The following ERC1 variants were observed in gnomAD, a reference collection of about 807,000 sequenced individuals.
The protein encoded by ERC1 is RAB6 interacting protein 2.
Under a neutral mutation model 132.0 loss-of-function variants are expected in ERC1, and 56 were observed. The ratio of observed to expected loss-of-function variants is 0.42; its 90% CI spans 0.34 to 0.53. ERC1 has a LOEUF of 0.53. Among genes scored for constraint, ERC1 ranks in the 20% least tolerant of loss-of-function variants. The pLI, the probability that ERC1 is intolerant of heterozygous loss-of-function variation, is 0.03. For synonymous variants in ERC1, 478 were observed against 476.1 expected, an observed-to-expected ratio of 1.00 and a Z score of -0.05; for missense variants, 1,202 against 1,349.9, an observed-to-expected ratio of 0.89 and a Z score of 1.72.
rs751146798 is a variant in ERC1 at position 1,492,812 on chromosome 12, T to C, written c.*2582T>C. The C allele has an allele frequency of 7.8e-5, 18 of 231,300 alleles. No homozygotes were observed. Among genetic ancestry groups the C allele is most frequent in the Non-Finnish European group, 1.4e-4 (16 of 116,974 alleles). 14.3% of individuals were successfully genotyped at this position (231,300 alleles called of 1,614,324 possible). A position where few individuals can be genotyped will look rare whatever the true frequency, so the allele number is the denominator to read the frequency against. Reference sequence around the variant, plus strand: ...GTAGCTTTCAGAGTGTCTCATTGAGTCTAGATCATTGAACCAACACTTAAC... The same window carrying C: ...GTAGCTTTCAGAGTGTCTCATTGAGCCTAGATCATTGAACCAACACTTAAC... On this transcript the variant is annotated 3_prime_UTR_variant, in exon 19 of 19. Coordinates refer to ENST00000360905, the MANE Select transcript of ERC1 (RefSeq NM_178040.4).
intron 8 of ERC1, among the ~76,000 whole-genome samples, chr12:1,147,628 C>A (rs1221550950): frequency 1.3e-5 from 2 of 152,140 alleles, no homozygotes; most frequent in Non-Finnish European, 2.9e-5. Context: ...ATGCGTAAGC[C>A]TTTTGATTCC....
chr12:1,111,463 C>T (rs570058669), intron 5 of ERC1, among the ~76,000 whole-genome samples: 13 of 152,128 alleles, frequency 8.5e-5, no homozygotes, highest in African/African-American at 3.1e-4. Flanking sequence ...ACATCACTTC[C>T]CCTCCAGTTT....
chr12:1,079,618 C>T (rs1300354051), intron 2 of ERC1, among the ~76,000 whole-genome samples: 30 of 21,386 alleles, frequency 1.4e-3, no homozygotes, highest in African/African-American at 5.6e-3. Flanking sequence ...TGACAAAAGT[C>T]GATATACAGA....
intron 11 of ERC1, among the ~76,000 whole-genome samples, chr12:1,184,034 G>T (rs1954783017): frequency 6.6e-6 from 1 of 151,816 alleles, no homozygotes; most frequent in African/African-American, 2.4e-5. Flanking sequence ...TACTCAGGAG[G>T]CTGAGGCAGG....
At chr12:1,280,928 A>G (rs971755809) in intron 14 of ERC1, among the ~76,000 whole-genome samples, 29 of 152,310 alleles carry the variant, frequency 1.9e-4, no homozygotes, top group South Asian at 4.2e-4. Context: ...ACAACTGTCC[A>G]GGGTTGTGTT....
At chr12:1,197,999 C>A (rs1384525308) in intron 12 of ERC1, among the ~76,000 whole-genome samples, 1 of 151,848 alleles carries the variant, frequency 6.6e-6, no homozygotes, top group Non-Finnish European at 1.5e-5. Context: ...TATCACGGCT[C>A]ACTGCAGCCT....
intron 8 of ERC1, among the ~76,000 whole-genome samples, chr12:1,161,956 A>G (rs1004859063): frequency 4.6e-5 from 7 of 152,170 alleles, no homozygotes; most frequent in Non-Finnish European, 7.4e-5. Context: ...GCATTTATCT[A>G]GATATACTTA....
chr12:1,072,665 T>G (rs1398086911), intron 2 of ERC1, among the ~76,000 whole-genome samples: 3 of 152,162 alleles, frequency 2.0e-5, no homozygotes, highest in Non-Finnish European at 4.4e-5. Context: ...TGTTTTTATT[T>G]CCAAGTCCTT....
intron 12 of ERC1, among the ~76,000 whole-genome samples, chr12:1,208,048 C>T (rs1199853887): frequency 6.6e-6 from 1 of 152,136 alleles, no homozygotes; most frequent in Non-Finnish European, 1.5e-5. Flanking sequence ...AATGCTATCA[C>T]CTTCTTTATC....
At chr12:1,276,782 T>G (rs981840886) in intron 14 of ERC1, among the ~76,000 whole-genome samples, 30 of 152,216 alleles carry the variant, frequency 2.0e-4, no homozygotes, top group Admixed American at 1.4e-3. Flanking sequence ...TATGAGCGAA[T>G]AAATGAAATT....
chr12:1,011,115 G>C (rs1964613660), intron 1 of ERC1, among the ~76,000 whole-genome samples: 1 of 152,164 alleles, frequency 6.6e-6, no homozygotes, highest in Non-Finnish European at 1.5e-5. Flanking sequence ...AAATGACTTT[G>C]AGACTAGGTA....
intron 3 of ERC1, among the ~76,000 whole-genome samples, chr12:1,097,806 C>T (rs997588465): frequency 6.6e-6 from 1 of 151,940 alleles, no homozygotes; most frequent in Admixed American, 6.5e-5. Flanking sequence ...CCTCTGCCCC[C>T]CAGGTTCAAG....
rs75000256 is a variant in ERC1, at chr12:1,101,599, C to A, written c.1087-3151C>A. Among the ~76,000 whole-genome samples, 574 of 152,302 alleles carry A rather than the reference C, an allele frequency of 3.8e-3. 2 individuals carry two copies. Among genetic ancestry groups the A allele is most frequent in the South Asian group, 7.0e-3 (34 of 4,828 alleles). The stretch of plus-strand genomic sequence containing the variant: ...AGGTCATGTACCTGGGCTTTAATCA[C>A]AAGAAAGGCTGGGCAACAAGTATGT... On this transcript the variant is annotated intron_variant, in intron 3 of 18. Transcript: ENST00000360905.
intron 15 of ERC1, among the ~76,000 whole-genome samples, chr12:1,353,997 G>T (rs1213334141): frequency 2.4e-4 from 36 of 149,228 alleles, no homozygotes; most frequent in Non-Finnish European, 1.8e-4. Context: ...TTTCCTCTAA[G>T]ACCATTCCCC....
At chr12:1,393,948 G>A (rs540131907) in intron 16 of ERC1, among the ~76,000 whole-genome samples, 97 of 145,874 alleles carry the variant, frequency 6.6e-4, no homozygotes, top group Middle Eastern at 3.7e-3. Flanking sequence ...CCCGGGAGGC[G>A]GAGGTTGCAG....
At chr12:1,464,970 A>G (rs2093716065) in intron 18 of ERC1, among the ~76,000 whole-genome samples, 1 of 152,148 alleles carries the variant, frequency 6.6e-6, no homozygotes, top group Non-Finnish European at 1.5e-5. Flanking sequence ...ATCTTAGTGT[A>G]TTTTAGCTGC....
chr12:1,028,536 G>C lies in ERC1; in HGVS notation c.633G>C (p.Trp211Cys). The C allele has an allele frequency of 6.2e-7, 1 of 1,613,996 alleles. No individual in the cohort carries two copies. The highest frequency in any genetic ancestry group is 8.5e-7 in the Non-Finnish European group (1 of 1,180,006). The change falls in exon 2 of 19, where the codon TGG (tryptophan) becomes TGC (cysteine). Residue 211 changes from tryptophan (W) to cysteine (C), a missense_variant. Trp to Cys is a radical substitution (Grantham distance 215, BLOSUM62 -2). Transcript: ENST00000360905. ...RKDEASKITIWKEQYRVVQEE... is the reference protein window; with the variant it reads ...RKDEASKITICKEQYRVVQEE... ...ATGAAGCTTCCAAAATCACCATTTG[G>C]AAGGAACAGTACAGAGTTGTACAGG... is the stretch of plus-strand genomic sequence containing the variant.
chr12:1,438,954 A>AAAATATATATATAT (rs1015181197), intron 17 of ERC1, among the ~76,000 whole-genome samples: 4 of 143,492 alleles, frequency 2.8e-5, no homozygotes, highest in East Asian at 2.0e-4. Context: ...TTTAAAAAAA[A>AAAATATATATATAT]ATATATATAT....
At chr12:1,399,453 T>G (rs1478033988) in intron 16 of ERC1, among the ~76,000 whole-genome samples, 3 of 152,202 alleles carry the variant, frequency 2.0e-5, no homozygotes, top group African/African-American at 7.2e-5. Context: ...CTTTTTCTAG[T>G]ATTATTTCAG....
Sources: allele counts gnomAD v4.1 joint callset (sites outside exome capture counted in the v4.1 genomes callset), GRCh38; gene constraint gnomAD v4.1.1; transcripts MANE v1.5; gene names NCBI Gene and HGNC (gene_info 2026-07-23, HGNC 2026-07-21).